SMG7: variants seen among roughly 807,000 people sequenced by gnomAD.
The protein encoded by SMG7 is SMG7 nonsense mediated mRNA decay factor, also known as nonsense-mediated mRNA decay factor SMG7.
In SMG7, 34 loss-of-function variants were observed where a neutral mutation model predicts 148.2. The observed-to-expected ratio is 0.23, with a 90% CI of 0.17 to 0.31. SMG7 has a LOEUF of 0.31. SMG7 is among the 10% of genes least tolerant of loss of function. SMG7 has a pLI of 1.00. For missense variants in SMG7, 1,114 were observed against 1,408.4 expected (o/e 0.79, Z 3.35); for synonymous variants, 492 against 515.1 (o/e 0.96, Z 0.61).
intron 1 of SMG7, among the ~76,000 whole-genome samples, chr1:183,484,476 G>T (rs947951016): frequency 6.6e-6 from 1 of 150,450 alleles, no homozygotes; most frequent in Admixed American, 6.7e-5. Context: ...TGTTACCTGT[G>T]CTGTTTCTTT....
intron 1 of SMG7, among the ~76,000 whole-genome samples, chr1:183,493,721 A>G (rs906672773): frequency 5.3e-5 from 8 of 152,162 alleles, no homozygotes; most frequent in African/African-American, 1.7e-4. Context: ...ACCTGGGACT[A>G]TAGGCACACG....
chr1:183,553,120 G>C lies in SMG7; in HGVS notation c.*1189G>C. 6.5e-7 allele frequency: 1 copy of C among 1,536,324 alleles called. No homozygotes were observed. Among genetic ancestry groups the C allele is most frequent in the East Asian group, 2.4e-5 (1 of 40,922 alleles). ...CCTCCACTTTCAGAGTGAAATTCAA[G>C]GCAGCACGGACATGTGCCCATCAGG... On this transcript the variant is annotated 3_prime_UTR_variant, in exon 23 of 23. Coordinates refer to ENST00000688051, the MANE Select transcript of SMG7 (RefSeq NM_001375584.1).
intron 15 of SMG7, 30 bp downstream of exon 15, chr1:183,544,527 A>G (rs1235778473): frequency 1.2e-6 from 2 of 1,606,722 alleles, no homozygotes; most frequent in African/African-American, 2.7e-5. Flanking sequence ...TCTTCTACTT[A>G]ATCTTTTCTG....
Position 183,526,726 on chromosome 1 carries a change from C to G in SMG7, c.443C>G (p.Ser148Cys). The change falls in exon 5 of 23, where the codon TCC becomes TGC. Residue 148 changes from serine to cysteine, a missense_variant. Physicochemically the swap from Ser to Cys is moderately radical, Grantham distance 112. Coordinates refer to ENST00000688051, the MANE Select transcript of SMG7 (RefSeq NM_001375584.1). ...GTGAAGCCACAGTCTAGCTCCTGTT[C>G]CTATATCTGCCAGCACTGCCTCGTC... is the stretch of plus-strand genomic sequence containing the variant. ...AIVKPQSSSC[S>C]YICQHCLVHL... The G allele has an allele frequency of 6.2e-7, 1 of 1,613,606 alleles. No homozygotes were observed. The highest frequency in any genetic ancestry group is 8.5e-7 in the Non-Finnish European group (1 of 1,179,710).
chr1:183,541,943 A>C (rs1668952272), intron 13 of SMG7, 133 bp from the exon 14 acceptor site: 2 of 727,134 alleles, frequency 2.8e-6, no homozygotes, highest in Non-Finnish European at 4.4e-6. Flanking sequence ...TGTTACCTGA[A>C]TCCACATTGT....
chr1:183,507,970 A>G (rs1661299006), intron 1 of SMG7: 2 of 155,702 alleles, frequency 1.3e-5, no homozygotes, highest in Admixed American at 1.3e-4. Flanking sequence ...TAATAGTGTT[A>G]TTTTGTTATT....
At chr1:183,526,247 C>T (rs1336638401) in intron 4 of SMG7, among the ~76,000 whole-genome samples, 1 of 150,994 alleles carries the variant, frequency 6.6e-6, no homozygotes, top group African/African-American at 2.4e-5. Flanking sequence ...CTCCTGGGTT[C>T]AAGCGATTCT....
In SMG7 at chr1:183,483,291, A is replaced by G. The variant is rs143346469; in HGVS notation, c.29+10642A>G. Among the ~76,000 whole-genome samples the G allele has an allele frequency of 3.1e-3, 475 of 152,250 alleles. 2 individuals are homozygous for G. In the Middle Eastern group the frequency reaches 0.034, roughly 11 times the overall value. On this transcript the variant is annotated intron_variant, in intron 1 of 22. Coordinates refer to ENST00000688051, the MANE Select transcript of SMG7 (RefSeq NM_001375584.1). ...GCTGTGTTAGTTGGGATACAGTATAATGGATGTGTCTGTTTTACTAATACT... is the reference window on the plus strand; with the variant it reads ...GCTGTGTTAGTTGGGATACAGTATAGTGGATGTGTCTGTTTTACTAATACT...
chr1:183,506,112 C>CT (rs1557986907), intron 1 of SMG7, among the ~76,000 whole-genome samples: 1 of 152,120 alleles, frequency 6.6e-6, no homozygotes, highest in African/African-American at 2.4e-5. Context: ...CTTAGCTTTG[C>CT]TTTTTATTGT....
intron 1 of SMG7, among the ~76,000 whole-genome samples, chr1:183,507,492 C>T (rs933591394): frequency 6.6e-6 from 1 of 152,174 alleles, no homozygotes; most frequent in Non-Finnish European, 1.5e-5. Flanking sequence ...ACTTCTGCTA[C>T]TTACTATGAC....
chr1:183,509,352 T>C (rs1661651732), intron 1 of SMG7, among the ~76,000 whole-genome samples: 1 of 152,234 alleles, frequency 6.6e-6, no homozygotes, highest in South Asian at 2.1e-4. Flanking sequence ...AAGCCAACAT[T>C]AGCTTTTTAT....
intron 21 of SMG7, 57 bp downstream of exon 21, chr1:183,550,978 T>TGG: frequency 1.9e-6 from 3 of 1,613,388 alleles, no homozygotes; most frequent in Non-Finnish European, 2.5e-6. Flanking sequence ...TATCCTTCCC[T>TGG]GGGGTCTGGC....
intron 4 of SMG7, among the ~76,000 whole-genome samples, chr1:183,525,138 G>A (rs969327453): frequency 6.6e-6 from 1 of 152,090 alleles, no homozygotes; most frequent in Non-Finnish European, 1.5e-5. Context: ...AACTGTGTGC[G>A]GGGCAAGAAA....
In SMG7 at chr1:183,524,474, T is replaced by TATTA. The variant is rs1311230491; in HGVS notation, c.313-2121_313-2120insTTAA. Among the ~76,000 whole-genome samples, 10 of 152,198 alleles carry TATTA rather than the reference T, an allele frequency of 6.6e-5. No homozygotes were observed. The South Asian group carries it at 1.2e-3, about 19-fold the overall frequency. ...TTCTTGCCCATTACAAATGTACAAGTAAAGATGGAGTAAATAATTTCCATG... is the reference window on the plus strand; with the variant it reads ...TTCTTGCCCATTACAAATGTACAAGTATTAAAAGATGGAGTAAATAATTTCCATG... On this transcript the variant is annotated intron_variant, in intron 4 of 22. Transcript: ENST00000688051.
At chr1:183,541,961 T>A in intron 13 of SMG7, 115 bp from the exon 14 acceptor site, 1 of 837,240 alleles carries the variant, frequency 1.2e-6, no homozygotes, top group African/African-American at 1.7e-5. Context: ...TGTTATATCC[T>A]GCTGTTTTCA....
chr1:183,509,044 A>G (rs574273364), intron 1 of SMG7, among the ~76,000 whole-genome samples: 1 of 152,272 alleles, frequency 6.6e-6, no homozygotes, highest in African/African-American at 2.4e-5. Flanking sequence ...AAAGGATCAG[A>G]TAGTAAATAT....
Position 183,527,789 on chromosome 1 carries a change from C to T in SMG7, c.485-167C>T, listed in dbSNP as rs1666149150. 2 of 609,142 alleles carry T rather than the reference C, an allele frequency of 3.3e-6. No homozygotes were observed. Among genetic ancestry groups the T allele is most frequent in the East Asian group, 3.4e-5 (1 of 29,476 alleles). The allele number at this position is 609,142 out of a possible 1,614,324, so 37.7% of individuals were successfully genotyped here. ...CCCAAATAAGGAAGGCTGATGGACACTTCACACATAATCCTATAGTTAATT... is the reference window on the plus strand; with the variant it reads ...CCCAAATAAGGAAGGCTGATGGACATTTCACACATAATCCTATAGTTAATT... On this transcript the variant is annotated intron_variant, in intron 5 of 22. Coordinates refer to ENST00000688051, the MANE Select transcript of SMG7 (RefSeq NM_001375584.1). The surrounding 1 kb of genome is among the most constrained non-coding windows in gnomAD (Gnocchi z 4.0).
chr1:183,501,947 C>T (rs1659823398), intron 1 of SMG7, among the ~76,000 whole-genome samples: 1 of 152,100 alleles, frequency 6.6e-6, no homozygotes, highest in Non-Finnish European at 1.5e-5. Flanking sequence ...GCATTCTCAT[C>T]CTGGTCTTAA....
At chr1:183,503,325 ATTTCTATAATTTATAAT>A (rs1660156413) in intron 1 of SMG7, among the ~76,000 whole-genome samples, 1 of 152,180 alleles carries the variant, frequency 6.6e-6, no homozygotes, top group Non-Finnish European at 1.5e-5. Context: ...TTAGTGTGGT[ATTTCTATAATTTATAAT>A]TGTCTTGATA....
Sources: gnomAD v4.1 joint callset for allele counts (sites outside exome capture counted in the v4.1 genomes callset) on GRCh38, gnomAD v4.1.1 for gene constraint, Gnocchi (gnomAD v3.1) non-coding constraint, MANE v1.5 for transcripts, NCBI Gene and HGNC (gene_info 2026-07-23, HGNC 2026-07-21) for gene names.